The following RBM6 variants were observed in gnomAD, a reference collection of about 807,000 sequenced individuals.
The protein encoded by RBM6 is RNA-binding protein 6.
In RBM6, 23 loss-of-function variants were observed where a neutral mutation model predicts 140.4. That is an observed-to-expected ratio of 0.16 (90% CI 0.12 to 0.23). RBM6 has a LOEUF of 0.23. RBM6 is among the 10% of genes least tolerant of loss of function. RBM6 has a pLI of 1.00. For synonymous variants in RBM6, 439 were observed against 475.6 expected, an observed-to-expected ratio of 0.92 and a Z score of 1.00; for missense variants, 1,139 against 1,386.7, an observed-to-expected ratio of 0.82 and a Z score of 2.84.
chr3:49,963,374 C>T (rs2084368468), intron 2 of RBM6, among the ~76,000 whole-genome samples: 1 of 152,018 alleles, frequency 6.6e-6, no homozygotes, highest in Admixed American at 6.6e-5. Flanking sequence ...GCTGGGATTA[C>T]AGGCGCGTGC....
At chr3:49,995,465 G>A (rs932762995) in intron 5 of RBM6, among the ~76,000 whole-genome samples, 3 of 151,442 alleles carry the variant, frequency 2.0e-5, no homozygotes, top group Non-Finnish European at 2.9e-5. Context: ...AATTGCTTGA[G>A]CCTGAGAGGC....
chr3:50,046,105 A>AC (rs2089205550), intron 6 of RBM6, among the ~76,000 whole-genome samples: 1 of 151,774 alleles, frequency 6.6e-6, no homozygotes, highest in African/African-American at 2.4e-5. Flanking sequence ...ACATAGTGAA[A>AC]CCCCATCTCT....
intron 4 of RBM6, among the ~76,000 whole-genome samples, chr3:49,974,373 ATT>A (rs762062224): frequency 7.2e-5 from 10 of 139,594 alleles, no homozygotes; most frequent in Admixed American, 2.2e-4. Flanking sequence ...CTCCTGGCTA[ATT>A]TTTTTTTTTT....
intron 7 of RBM6, among the ~76,000 whole-genome samples, chr3:50,050,154 G>A (rs1289608325): frequency 2.0e-5 from 3 of 152,024 alleles, no homozygotes; most frequent in Non-Finnish European, 4.4e-5. Flanking sequence ...GGTGTGAGCT[G>A]CCATATCTAG....
intron 1 of RBM6, among the ~76,000 whole-genome samples, chr3:49,948,465 G>A (rs1429046726): frequency 2.0e-5 from 3 of 152,074 alleles, no homozygotes; most frequent in South Asian, 4.1e-4. Flanking sequence ...TGTGGCTCAC[G>A]CCTGTAATCC....
intron 1 of RBM6, among the ~76,000 whole-genome samples, chr3:49,961,678 A>G (rs1250381056): frequency 3.3e-5 from 5 of 151,824 alleles, no homozygotes; most frequent in Non-Finnish European, 1.5e-5. Flanking sequence ...GCGTGCCTGT[A>G]GTCCCAGCTA....
chr3:50,059,543 C>G (rs758299595), intron 10 of RBM6, 106 bp from the exon 11 acceptor site: 43 of 882,572 alleles, frequency 4.9e-5, no homozygotes, highest in Admixed American at 4.5e-4. Context: ...TAAATTTATC[C>G]TCTGAGAAGG....
intron 6 of RBM6, among the ~76,000 whole-genome samples, chr3:50,031,762 G>A (rs1220646289): frequency 6.6e-6 from 1 of 151,520 alleles, no homozygotes; most frequent in Non-Finnish European, 1.5e-5. Context: ...ACCACAATAG[G>A]GTGAGTATAG....
In RBM6 at chr3:50,069,131, A is replaced by G. The variant is rs371368770; in HGVS notation, c.3018+367A>G. Among the ~76,000 whole-genome samples the G allele has an allele frequency of 3.8e-4, 58 of 152,300 alleles. 2 individuals carry two copies. The South Asian group carries it at 0.012, about 31-fold the overall frequency. ...AAGCTGGAGGAAGTAGCTTAGTGTC[A>G]GAGTCAAATGGACTTGCTACCTCAA... On this transcript the variant is annotated intron_variant, in intron 18 of 20. Coordinates refer to ENST00000266022, the MANE Select transcript of RBM6 (RefSeq NM_005777.3).
In RBM6 at chr3:50,066,509, G is replaced by A. The variant is rs1213318085; in HGVS notation, c.2943+7G>A. Reference sequence around the variant, plus strand: ...GCTGTCAGACCTGCACAAGGTATTAGGGGAAGGAGCTATGCCCTTTCAAAC... The same window carrying A: ...GCTGTCAGACCTGCACAAGGTATTAAGGGAAGGAGCTATGCCCTTTCAAAC... On this transcript the variant is annotated splice_region_variant and intron_variant, in intron 17 of 20. Coordinates refer to ENST00000266022, the MANE Select transcript of RBM6 (RefSeq NM_005777.3). 3.7e-6 allele frequency: 6 copies of A among 1,611,676 alleles called. No individual in the cohort carries two copies. The highest frequency in any genetic ancestry group is 1.3e-5 in the African/African-American group (1 of 74,910).
At chr3:50,037,340 A>G (rs4688753) in intron 6 of RBM6, among the ~76,000 whole-genome samples, 92,526 of 151,920 alleles carry the variant, frequency 0.61, 28,677 homozygotes, top group East Asian at 0.88. Context: ...GATCAAGGCT[A>G]CAATGAGCTA....
rs10663019 is a variant in RBM6 at position 50,061,560 on chromosome 3, C to CTTTTTTT, written c.2439+31_2439+37dup. ...CCCCAATACCCAGGTGAGTTTGGGG[C>CTTTTTTT]TTTTTTTTTTTTTTTTTTTTTTTTA... is the stretch of plus-strand genomic sequence containing the variant. On this transcript the variant is annotated intron_variant, in intron 14 of 20. Transcript: ENST00000266022. The CTTTTTTT allele has an allele frequency of 8.2e-5, 104 of 1,270,268 alleles. No individual in the cohort carries two copies. Among genetic ancestry groups the CTTTTTTT allele is most frequent in the South Asian group, 3.9e-4 (20 of 50,842 alleles). The allele number at this position is 1,270,268 out of a possible 1,614,324, so 78.7% of individuals were successfully genotyped here.
chr3:49,980,958 A>C (rs1337342717), intron 5 of RBM6, among the ~76,000 whole-genome samples: 1 of 151,472 alleles, frequency 6.6e-6, no homozygotes. Context: ...GCTGGAGTGC[A>C]GTGGCGCGAT....
intron 18 of RBM6, 78 bp downstream of exon 18, chr3:50,068,842 T>A: frequency 7.7e-7 from 1 of 1,299,466 alleles, no homozygotes; most frequent in Non-Finnish European, 1.1e-6. Flanking sequence ...GCTGTGCTGA[T>A]CCCTCCTTAT....
chr3:50,070,978 C>T (rs1345674359), intron 19 of RBM6, among the ~76,000 whole-genome samples: 1 of 152,158 alleles, frequency 6.6e-6, no homozygotes, highest in Non-Finnish European at 1.5e-5. Context: ...TCAGCTAGTT[C>T]CCAAGTTGTA....
At chr3:49,969,476 T>C (rs1018096899) in intron 3 of RBM6, among the ~76,000 whole-genome samples, 1 of 147,186 alleles carries the variant, frequency 6.8e-6, no homozygotes, top group South Asian at 2.1e-4. Context: ...TATATATATA[T>C]ATGAATATAT....
intron 1 of RBM6, among the ~76,000 whole-genome samples, chr3:49,957,309 T>C (rs1022082170): frequency 4.0e-5 from 6 of 151,414 alleles, no homozygotes; most frequent in Non-Finnish European, 8.8e-5. Flanking sequence ...TTTCTTTCTT[T>C]CTTTTTTTTT....
intron 6 of RBM6, among the ~76,000 whole-genome samples, chr3:50,019,798 GT>G (rs34185097): frequency 2.0e-4 from 30 of 147,354 alleles, no homozygotes; most frequent in South Asian, 8.6e-4. Context: ...TTGCTGAGAG[GT>G]TTTTTTTTTT....
chr3:49,982,608 G>A (rs2085362088), intron 5 of RBM6, among the ~76,000 whole-genome samples: 1 of 151,896 alleles, frequency 6.6e-6, no homozygotes. Context: ...AGTAGAGACG[G>A]GGTTTCATCA....
Sources: gnomAD v4.1 joint callset for allele counts (sites outside exome capture counted in the v4.1 genomes callset) on GRCh38, gnomAD v4.1.1 for gene constraint, MANE v1.5 for transcripts, NCBI Gene and HGNC (gene_info 2026-07-23, HGNC 2026-07-21) for gene names.